The following CCNT1 variants were observed in gnomAD, a reference collection of about 807,000 sequenced individuals.
CCNT1 encodes cyclin T1.
Under a neutral mutation model 67.3 loss-of-function variants are expected in CCNT1, and 18 were observed. The observed-to-expected ratio is 0.27, with a 90% CI of 0.18 to 0.40. The LOEUF (loss-of-function observed/expected upper bound fraction) is 0.40, where lower values mean the gene tolerates loss of function less well. CCNT1 is among the 10% of genes least tolerant of loss of function. The pLI, the probability that CCNT1 is intolerant of heterozygous loss-of-function variation, is 1.00. For missense variants in CCNT1, 744 were observed against 884.9 expected (o/e 0.84, Z 2.02); for synonymous variants, 333 against 310.3 (o/e 1.07, Z -0.77).
At position 48,693,682 on chromosome 12, in the gene CCNT1, T is replaced by C. The variant is rs757395667; in HGVS notation, c.1532A>G (p.Lys511Arg). The C allele has an allele frequency of 1.2e-6, 2 of 1,614,170 alleles. No homozygotes were observed. The highest frequency in any genetic ancestry group is 1.7e-6 in the Non-Finnish European group (2 of 1,180,022). Residue 511 changes from lysine (K) to arginine (R), a missense_variant, in exon 9 of 9, where the codon AAG (lysine) becomes AGG (arginine). By Grantham distance (26) the Lys-to-Arg change is conservative (BLOSUM62 2). Transcript: ENST00000261900. ...TKSREHKEKH[K>R]THPSNHHHHH... ...ATGATGATGATTAGATGGGTGAGTC[T>C]TGTGCTTTTCTTTGTGCTCTCGGCT...
chr12:48,710,229 T>C (rs562499823), intron 2 of CCNT1, among the ~76,000 whole-genome samples: 12 of 152,060 alleles, frequency 7.9e-5, no homozygotes, highest in East Asian at 1.9e-4. Flanking sequence ...CACACACACA[T>C]ACAAAAATGC....
intron 3 of CCNT1, among the ~76,000 whole-genome samples, chr12:48,702,818 A>G (rs1280728098): frequency 1.3e-5 from 2 of 152,070 alleles, no homozygotes. Context: ...CTCCATCTCA[A>G]AAAAAGAAAA....
At chr12:48,711,381 AAAAT>A (rs999037715) in intron 2 of CCNT1, among the ~76,000 whole-genome samples, 1 of 152,000 alleles carries the variant, frequency 6.6e-6, no homozygotes, top group South Asian at 2.1e-4. Flanking sequence ...CTCCATCTCA[AAAAT>A]AAATAAATAA....
At chr12:48,716,269 A>C (rs1319663911) in intron 1 of CCNT1, among the ~76,000 whole-genome samples, 1 of 152,214 alleles carries the variant, frequency 6.6e-6, no homozygotes, top group Non-Finnish European at 1.5e-5. Flanking sequence ...TTAAAACACA[A>C]AGCCGGGAAG....
rs1940503242 is a variant in CCNT1 at position 48,714,447 on chromosome 12, C to T, written c.239G>A (p.Gly80Glu). The change falls in exon 2 of 9, where the codon GGA (glycine) becomes GAA (glutamate). Residue 80 changes from glycine (G) to glutamate (E), a missense_variant. Gly to Glu is a moderately conservative substitution (Grantham distance 98). Transcript: ENST00000261900. The stretch of plus-strand genomic sequence containing the variant: ...ATATAAAAAAATTATACTTACATTT[C>T]CAGGGAACTGTGTGAAGGACTGAAT... ...YMIQSFTQFP[G>E]NSVAPAALFL... is the part of the protein sequence containing the mutation. The T allele has an allele frequency of 6.3e-7, 1 of 1,579,502 alleles. No individual in the cohort carries two copies. Among genetic ancestry groups the T allele is most frequent in the African/African-American group, 1.3e-5 (1 of 74,212 alleles).
chr12:48,701,832 C>T (rs1031253344), intron 3 of CCNT1, among the ~76,000 whole-genome samples: 1 of 151,950 alleles, frequency 6.6e-6, no homozygotes, highest in Non-Finnish European at 1.5e-5. Flanking sequence ...TCTCAAACCC[C>T]CAACCTCAGA....
In CCNT1 at chr12:48,705,749, T is replaced by A. The variant is rs746524638; in HGVS notation, c.372+19A>T. The A allele has an allele frequency of 1.6e-5, 26 of 1,592,000 alleles. No homozygotes were observed. The highest frequency in any genetic ancestry group is 2.2e-5 in the Non-Finnish European group (26 of 1,170,476). On this transcript the variant is annotated intron_variant, in intron 3 of 8. Coordinates refer to ENST00000261900, the MANE Select transcript of CCNT1 (RefSeq NM_001240.4). ...AAGGAAAAAAATTAAGAAAAACAGA[T>A]GTGTAATTAATCTCCTACCTCACTT...
In CCNT1 at chr12:48,696,053, C is replaced by T. The variant is rs201367358; in HGVS notation, c.652G>A (p.Gly218Arg). 101 of 1,613,800 alleles carry T rather than the reference C, an allele frequency of 6.3e-5. No individual in the cohort carries two copies. Among genetic ancestry groups the T allele is most frequent in the Non-Finnish European group, 8.0e-5 (94 of 1,179,978 alleles). ...SNWEIPVSTD[G>R]KHWWEYVDAT... ...TCAACATACTCCCACCAGTGCTTCC[C>T]GTCAGTTGAGACTGGGATCTCCCAA... is the stretch of plus-strand genomic sequence containing the variant. Residue 218 changes from glycine (G) to arginine (R), a missense_variant, in exon 7 of 9, where the codon GGG (glycine) becomes AGG (arginine). Coordinates refer to ENST00000261900, the MANE Select transcript of CCNT1 (RefSeq NM_001240.4).
intron 5 of CCNT1, among the ~76,000 whole-genome samples, chr12:48,698,464 T>G (rs1311295931): frequency 6.6e-6 from 1 of 152,196 alleles, no homozygotes; most frequent in Non-Finnish European, 1.5e-5. Context: ...TTAAATGCAA[T>G]TCTTGGACCT....
intron 2 of CCNT1, among the ~76,000 whole-genome samples, chr12:48,712,584 A>T: frequency 1.5e-5 from 1 of 68,834 alleles, no homozygotes; most frequent in Non-Finnish European, 2.5e-5. Flanking sequence ...TTCCTTAAAA[A>T]AAAAAAAAAA....
chr12:48,706,636 G>A (rs1402289987), intron 2 of CCNT1, among the ~76,000 whole-genome samples: 1 of 152,100 alleles, frequency 6.6e-6, no homozygotes, highest in Non-Finnish European at 1.5e-5. Context: ...GAAACTTCAG[G>A]AAATAGAACT....
chr12:48,709,748 G>C (rs932259120), intron 2 of CCNT1, among the ~76,000 whole-genome samples: 1 of 152,144 alleles, frequency 6.6e-6, no homozygotes, highest in Non-Finnish European at 1.5e-5. Context: ...TATGTGCACA[G>C]AAAAATGTCT....
At chr12:48,702,378 G>A (rs1940284498) in intron 3 of CCNT1, among the ~76,000 whole-genome samples, 1 of 152,246 alleles carries the variant, frequency 6.6e-6, no homozygotes, top group Non-Finnish European at 1.5e-5. Context: ...ACTCAGATTT[G>A]TGCCAGCCAA....
At chr12:48,701,094 A>G (rs369631079) in intron 3 of CCNT1, 21 bp from the exon 4 acceptor site, 4 of 1,474,542 alleles carry the variant, frequency 2.7e-6, no homozygotes, top group Non-Finnish European at 3.7e-6. Context: ...GAAGACAGAA[A>G]TTATTCCCTA....
rs2137221971 is a variant in CCNT1 at position 48,693,516 on chromosome 12, G to A, written c.1698C>T (p.Ser566=). The A allele has an allele frequency of 6.2e-7, 1 of 1,614,170 alleles. No individual in the cohort carries two copies. The highest frequency in any genetic ancestry group is 8.5e-7 in the Non-Finnish European group (1 of 1,180,030). ...HKTYSLSSSF[S]SSSSTRKRGP... ...CCCTTTTACGAGTAGAACTGGAAGA[G>A]GAAAAAGAACTAGACAAGCTATAGG... Residue 566 remains serine, a synonymous_variant, in exon 9 of 9, where the codon TCC becomes TCT. Coordinates refer to ENST00000261900, the MANE Select transcript of CCNT1 (RefSeq NM_001240.4).
intron 3 of CCNT1, among the ~76,000 whole-genome samples, chr12:48,704,070 T>C (rs1349621890): frequency 6.6e-6 from 1 of 152,194 alleles, no homozygotes; most frequent in Non-Finnish European, 1.5e-5. Context: ...TTTTAAAAAG[T>C]AGAGAATCCA....
intron 8 of CCNT1, among the ~76,000 whole-genome samples, chr12:48,694,917 G>A (rs1440156432): frequency 2.0e-5 from 3 of 152,200 alleles, no homozygotes; most frequent in South Asian, 2.1e-4. Context: ...CTAACGTCCC[G>A]AGTTCAAGCG....
rs138743206 is a variant in CCNT1, at chr12:48,703,554, CAA to C, written c.372+2212_372+2213del. On this transcript the variant is annotated intron_variant, in intron 3 of 8. Transcript: ENST00000261900. ...CACCATTGCACTCAATCCTGGGCAACAAGAGCAAAACTCCAACTCGAAAAAAA... is the reference window on the plus strand; with the variant it reads ...CACCATTGCACTCAATCCTGGGCAACGAGCAAAACTCCAACTCGAAAAAAA... Among the ~76,000 whole-genome samples, 663 of 146,026 alleles carry C rather than the reference CAA, an allele frequency of 4.5e-3. 9 individuals are homozygous for C. Among genetic ancestry groups the C allele is most frequent in the African/African-American group, 0.015 (599 of 39,394 alleles).
rs1940389540 is a variant in CCNT1 at position 48,707,975 on chromosome 12, G to A, written c.244-2079C>T. 2.6e-5 allele frequency among the ~76,000 whole-genome samples: 4 copies of A among 152,072 alleles called. No homozygotes were observed. The South Asian group carries it at 6.2e-4, about 24-fold the overall frequency. On this transcript the variant is annotated intron_variant, in intron 2 of 8. Coordinates refer to ENST00000261900, the MANE Select transcript of CCNT1 (RefSeq NM_001240.4). ...GTAGTAGGGTAGTCCCACCTACTCG[G>A]GAGAATTGCCTGAACCCAGAAGGCA...
Sources: allele counts gnomAD v4.1 joint callset (sites outside exome capture counted in the v4.1 genomes callset), GRCh38; gene constraint gnomAD v4.1.1; transcripts MANE v1.5; gene names NCBI Gene and HGNC (gene_info 2026-07-23, HGNC 2026-07-21).